Variants in LYRM4 observed in about 807,000 individuals in gnomAD.
The protein encoded by LYRM4 is LYR motif-containing protein 4.
LYRM4 carries 9 observed loss-of-function variants against 11.7 expected under a neutral mutation model. The observed-to-expected ratio is 0.77, with a 90% CI of 0.46 to 1.34. LYRM4 has a LOEUF of 1.34. Among genes scored for constraint, LYRM4 ranks in the 40% most tolerant of loss-of-function variants. LYRM4 has a pLI of 0.00. For missense variants in LYRM4, 133 were observed against 112.5 expected (o/e 1.18, Z -0.82); for synonymous variants, 42 against 40.4 (o/e 1.04, Z -0.15).
At chr6:5,143,174 C>T (rs2127627142) in intron 2 of LYRM4, among the ~76,000 whole-genome samples, 1 of 152,320 alleles carries the variant, frequency 6.6e-6, no homozygotes, top group East Asian at 1.9e-4. Context: ...CCTGTGGCCA[C>T]ATTGAGGAGG....
chr6:5,207,165 G>A (rs976114266), intron 2 of LYRM4, among the ~76,000 whole-genome samples: 1 of 152,144 alleles, frequency 6.6e-6, no homozygotes, highest in African/African-American at 2.4e-5. Context: ...ATCTCAGGGA[G>A]GAAAAAGCCA....
chr6:5,082,509 C>A, the LYRM4 span, among the ~76,000 whole-genome samples: 1 of 152,272 alleles, frequency 6.6e-6, no homozygotes, highest in East Asian at 1.9e-4. Context: ...CCTACCCCCA[C>A]TTGGGGCCAT....
chr6:5,201,704 TC>T (rs1391732334), intron 2 of LYRM4, among the ~76,000 whole-genome samples: 1 of 152,232 alleles, frequency 6.6e-6, no homozygotes, highest in African/African-American at 2.4e-5. Context: ...GTGGGTGCCT[TC>T]CCCAGAGAGG....
intron 1 of LYRM4, among the ~76,000 whole-genome samples, chr6:5,227,376 C>T (rs1346975535): frequency 2.0e-5 from 3 of 152,072 alleles, no homozygotes; most frequent in African/African-American, 7.2e-5. Flanking sequence ...GAAGGGTCAA[C>T]GTAGAGGCAG....
chr6:5,082,587 T>C, the LYRM4 span, among the ~76,000 whole-genome samples: 1 of 152,182 alleles, frequency 6.6e-6, no homozygotes, highest in Admixed American at 6.5e-5. Context: ...CCATCATCTC[T>C]TAAGTATGAT....
chr6:5,183,876 T>C (rs1760224787), intron 2 of LYRM4, among the ~76,000 whole-genome samples: 1 of 152,234 alleles, frequency 6.6e-6, no homozygotes, highest in African/African-American at 2.4e-5. Flanking sequence ...TAATAATGTA[T>C]TGCATACTTG....
chr6:5,143,164 C>T (rs1757502256), intron 2 of LYRM4, among the ~76,000 whole-genome samples: 1 of 152,158 alleles, frequency 6.6e-6, no homozygotes, highest in African/African-American at 2.4e-5. Context: ...CGCTCTAGGG[C>T]CTGTGGCCAC....
chr6:5,100,089 C>G (rs1762453399), downstream of LYRM4, among the ~76,000 whole-genome samples: 1 of 152,294 alleles, frequency 6.6e-6, no homozygotes, highest in African/African-American at 2.4e-5. Context: ...AGGACGCGGT[C>G]CCCTTCTCAG....
chr6:5,145,168 G>A (rs1301191383), intron 2 of LYRM4, among the ~76,000 whole-genome samples: 2 of 152,200 alleles, frequency 1.3e-5, no homozygotes, highest in Admixed American at 6.5e-5. Flanking sequence ...TCCGTCTTTA[G>A]TCACTGACAG....
the LYRM4 span, among the ~76,000 whole-genome samples, chr6:5,064,652 G>A: frequency 6.6e-6 from 1 of 152,050 alleles, no homozygotes; most frequent in South Asian, 2.1e-4. Context: ...CAATCCTCTC[G>A]CCTCAGCCTC....
At chr6:5,178,961 T>C (rs1391256572) in intron 2 of LYRM4, among the ~76,000 whole-genome samples, 1 of 150,742 alleles carries the variant, frequency 6.6e-6, no homozygotes, top group Non-Finnish European at 1.5e-5. Context: ...TATTTTTACA[T>C]GCCTTTGTCA....
At chr6:5,034,260 T>A in the LYRM4 span, 1 of 152,230 alleles carries the variant, frequency 6.6e-6, no homozygotes, top group South Asian at 2.1e-4. Context: ...AATTCACTTC[T>A]GCAGGCCCCT....
At chr6:5,237,759 C>T (rs1763635830) in intron 1 of LYRM4, among the ~76,000 whole-genome samples, 1 of 152,156 alleles carries the variant, frequency 6.6e-6, no homozygotes, top group Non-Finnish European at 1.5e-5. Context: ...ATTTTGGTTA[C>T]CTGCAAAATG....
At chr6:5,233,505 T>C (rs1323226694) in intron 1 of LYRM4, among the ~76,000 whole-genome samples, 1 of 152,166 alleles carries the variant, frequency 6.6e-6, no homozygotes, top group African/African-American at 2.4e-5. Context: ...CATTATACTG[T>C]GGGAAATGCT....
intron 1 of LYRM4, among the ~76,000 whole-genome samples, chr6:5,243,494 T>C (rs553715410): frequency 3.8e-4 from 58 of 152,308 alleles, no homozygotes; most frequent in African/African-American, 1.4e-3. Flanking sequence ...CCTCCATTCT[T>C]AAAGAAGAAG....
At chr6:5,120,184 G>T (rs559460192) in intron 2 of LYRM4, among the ~76,000 whole-genome samples, 1 of 152,220 alleles carries the variant, frequency 6.6e-6, no homozygotes, top group South Asian at 2.1e-4. Context: ...CATGAGGCAC[G>T]GTGCCTGGCC....
chr6:5,245,391 C>T (rs572252472), intron 1 of LYRM4, among the ~76,000 whole-genome samples: 2 of 151,870 alleles, frequency 1.3e-5, no homozygotes, highest in African/African-American at 4.8e-5. Flanking sequence ...TTCACTCAGC[C>T]AACGGTTCTT....
intron 2 of LYRM4, among the ~76,000 whole-genome samples, chr6:5,146,593 C>A (rs767462186): frequency 6.6e-6 from 1 of 152,094 alleles, no homozygotes; most frequent in East Asian, 1.9e-4. Context: ...CCCCCTGAAG[C>A]GGGCCTCTTC....
chr6:5,098,187 T>A, the LYRM4 span, among the ~76,000 whole-genome samples: 1 of 152,124 alleles, frequency 6.6e-6, no homozygotes, highest in Non-Finnish European at 1.5e-5. Flanking sequence ...CGCTTACACA[T>A]CCTGCTCCGT....
Sources: gnomAD v4.1 joint callset for allele counts (sites outside exome capture counted in the v4.1 genomes callset) on GRCh38, gnomAD v4.1.1 for gene constraint, MANE v1.5 for transcripts, NCBI Gene and HGNC (gene_info 2026-07-23, HGNC 2026-07-21) for gene names.